Variants in CPVL observed in about 807,000 individuals in gnomAD.
CPVL encodes probable serine carboxypeptidase CPVL.
Under a neutral mutation model 63.7 loss-of-function variants are expected in CPVL, and 51 were observed. The ratio of observed to expected loss-of-function variants is 0.80; its 90% CI spans 0.64 to 1.01. The LOEUF is 1.01. Ranked by LOEUF, CPVL falls within the 50% of genes least tolerant of loss-of-function variation. The pLI is 0.00. For missense variants in CPVL, 530 were observed against 573.1 expected, an observed-to-expected ratio of 0.92 and a Z score of 0.77; for synonymous variants, 195 against 206.0, an observed-to-expected ratio of 0.95 and a Z score of 0.46.
Position 29,064,213 on chromosome 7 carries a change from A to T in CPVL, c.985T>A (p.Tyr329Asn). The change falls in exon 11 of 13, where the codon TAT (tyrosine) becomes AAT (asparagine). Residue 329 changes from tyrosine (Y) to asparagine (N), a missense_variant. Physicochemically the swap from Tyr to Asn is moderately radical, Grantham distance 143. Coordinates refer to ENST00000265394, the MANE Select transcript of CPVL (RefSeq NM_031311.5). The part of the protein sequence containing the change: ...RCTEPEDQLY[Y>N]VKFLSLPEVR... ...TCTGGGAGTGACAAAAATTTCACAT[A>T]GTAAAGCTGATCCTCAGGTTCCTGG... is the stretch of plus-strand genomic sequence containing the variant. The T allele has an allele frequency of 6.2e-7, 1 of 1,612,722 alleles. No individual in the cohort carries two copies. The highest frequency in any genetic ancestry group is 8.5e-7 in the Non-Finnish European group (1 of 1,178,954).
chr7:29,087,329 C>G (rs2128598541), intron 6 of CPVL, among the ~76,000 whole-genome samples: 1 of 144,994 alleles, frequency 6.9e-6, no homozygotes, highest in South Asian at 2.2e-4. Flanking sequence ...GAGGCTGAGA[C>G]AGAAGAATCA....
At chr7:29,183,505 T>G (rs1432193521) in intron 4 of CPVL, among the ~76,000 whole-genome samples, 2 of 151,994 alleles carry the variant, frequency 1.3e-5, no homozygotes, top group East Asian at 3.9e-4. Context: ...GCCTCCCAAG[T>G]AGCTGGGTTT....
intron 1 of CPVL, among the ~76,000 whole-genome samples, chr7:29,137,239 A>T (rs1791320029): frequency 6.6e-6 from 1 of 152,188 alleles, no homozygotes; most frequent in Non-Finnish European, 1.5e-5. Context: ...AGAAAGAGAA[A>T]GGAGAACACT....
intron 11 of CPVL, among the ~76,000 whole-genome samples, chr7:29,050,802 C>CAA (rs199723728): frequency 5.0e-4 from 69 of 137,554 alleles, no homozygotes; most frequent in South Asian, 9.2e-4. Flanking sequence ...TGAGACTAAG[C>CAA]AAAAAAAAAA....
At chr7:29,171,991 G>T (rs550260961) in intron 5 of CPVL, among the ~76,000 whole-genome samples, 10 of 152,156 alleles carry the variant, frequency 6.6e-5, no homozygotes, top group South Asian at 4.1e-4. Flanking sequence ...ACAATGCAGG[G>T]TGCAGTGGGT....
intron 11 of CPVL, among the ~76,000 whole-genome samples, chr7:29,054,442 A>G (rs1351952415): frequency 6.6e-6 from 1 of 152,282 alleles, no homozygotes; most frequent in East Asian, 1.9e-4. Flanking sequence ...CACTTTGAAG[A>G]TATTATGCCT....
chr7:28,994,718 G>A (rs140072284), downstream of CPVL, among the ~76,000 whole-genome samples: 387 of 152,300 alleles, frequency 2.5e-3, 1 homozygote, highest in African/African-American at 8.9e-3. Flanking sequence ...AAACCTGAAC[G>A]TAATCAGGCA....
chr7:29,191,118 A>G (rs1041442588), intron 1 of CPVL, among the ~76,000 whole-genome samples: 3 of 152,034 alleles, frequency 2.0e-5, no homozygotes, highest in Admixed American at 6.6e-5. Context: ...TTATGTTTTT[A>G]GAGATGAGGC....
At chr7:29,022,944 C>T (rs1414905221) in intron 12 of CPVL, among the ~76,000 whole-genome samples, 1 of 152,248 alleles carries the variant, frequency 6.6e-6, no homozygotes. Flanking sequence ...TTCCAGGGAC[C>T]TGAGGATGTC....
chr7:29,121,047 C>T lies in CPVL; in HGVS notation c.15G>A (p.Met5Ile). 6.2e-7 allele frequency: 1 copy of T among 1,605,392 alleles called. No homozygotes were observed. Among genetic ancestry groups the T allele is most frequent in the Non-Finnish European group, 8.5e-7 (1 of 1,177,254 alleles). ...GGACCAGCGAAACAATCACCTTCCACATGGCACCAACCATCTCTCAGGGTC... is the reference window on the plus strand; with the variant it reads ...GGACCAGCGAAACAATCACCTTCCATATGGCACCAACCATCTCTCAGGGTC... MVGAMWKVIVSLVLL... is the reference protein window; with the variant it reads MVGAIWKVIVSLVLL... The change falls in exon 2 of 13, where the codon ATG becomes ATA. Residue 5 changes from methionine (M) to isoleucine (I), a missense_variant. By Grantham distance (10) the Met-to-Ile change is conservative. Transcript: ENST00000265394.
At chr7:29,125,342 G>C (rs1276461743) in intron 1 of CPVL, among the ~76,000 whole-genome samples, 3 of 149,116 alleles carry the variant, frequency 2.0e-5, no homozygotes, top group Non-Finnish European at 4.5e-5. Context: ...CTCAAAGCCA[G>C]AATTTACTTA....
upstream of CPVL, among the ~76,000 whole-genome samples, chr7:29,150,433 A>G (rs1793432298): frequency 6.6e-6 from 1 of 152,192 alleles, no homozygotes; most frequent in African/African-American, 2.4e-5. Flanking sequence ...AGTTCTTTCC[A>G]ACTGTCTATC....
At chr7:29,046,520 C>T (rs1364072873) in intron 11 of CPVL, among the ~76,000 whole-genome samples, 6 of 151,984 alleles carry the variant, frequency 3.9e-5, no homozygotes, top group African/African-American at 1.5e-4. Context: ...CACTTAGAAA[C>T]ACAAACAACC....
intron 3 of CPVL, among the ~76,000 whole-genome samples, chr7:29,104,288 T>C (rs1361872715): frequency 6.6e-6 from 1 of 152,090 alleles, no homozygotes; most frequent in Admixed American, 6.6e-5. Flanking sequence ...TGAGATGGAG[T>C]CTCACTCTTG....
In CPVL at chr7:29,066,127, T is replaced by C. The variant is rs763718421; in HGVS notation, c.865-6A>G. ...TCTAGTAGTTTATCCAGTATCTAGGTTGGGAGAGAGGGAGAAAGAAAGAAA... is the reference window on the plus strand; with the variant it reads ...TCTAGTAGTTTATCCAGTATCTAGGCTGGGAGAGAGGGAGAAAGAAAGAAA... On this transcript the variant is annotated splice_region_variant and splice_polypyrimidine_tract_variant and intron_variant, in intron 9 of 12. Coordinates refer to ENST00000265394, the MANE Select transcript of CPVL (RefSeq NM_031311.5). The C allele has an allele frequency of 8.4e-6, 12 of 1,434,048 alleles. No homozygotes were observed. The highest frequency in any genetic ancestry group is 1.2e-5 in the Non-Finnish European group (12 of 1,025,502). 88.8% of individuals were successfully genotyped at this position (1,434,048 alleles called of 1,614,324 possible).
At chr7:29,157,571 A>G (rs1794577880) in intron 5 of CPVL, among the ~76,000 whole-genome samples, 1 of 152,212 alleles carries the variant, frequency 6.6e-6, no homozygotes, top group African/African-American at 2.4e-5. Context: ...AAGTATGAAA[A>G]TATCACCCTA....
chr7:29,166,226 G>T (rs1795904287), intron 5 of CPVL, among the ~76,000 whole-genome samples: 1 of 152,032 alleles, frequency 6.6e-6, no homozygotes, highest in Non-Finnish European at 1.5e-5. Context: ...TAGAGGTGGG[G>T]TCTCACTATG....
upstream of CPVL, chr7:29,147,141 A>G (rs1331786002): frequency 1.0e-5 from 8 of 791,190 alleles, no homozygotes; most frequent in African/African-American, 3.5e-5. Flanking sequence ...CTGAGTGTAT[A>G]TTATTAGCCA....
At chr7:29,118,528 A>G (rs1454436822) in intron 2 of CPVL, among the ~76,000 whole-genome samples, 1 of 152,238 alleles carries the variant, frequency 6.6e-6, no homozygotes, top group Non-Finnish European at 1.5e-5. Context: ...TACACTAAAT[A>G]CATTATCAAA....
Sources: allele counts gnomAD v4.1 joint callset (sites outside exome capture counted in the v4.1 genomes callset), GRCh38; gene constraint gnomAD v4.1.1; transcripts MANE v1.5; gene names NCBI Gene and HGNC (gene_info 2026-07-23, HGNC 2026-07-21).